The following UFD1 variants were observed in gnomAD, a reference collection of about 807,000 sequenced individuals.
UFD1 encodes ubiquitin recognition factor in ER associated degradation 1, also known as ubiquitin recognition factor in ER-associated degradation protein 1.
In UFD1, 13 loss-of-function variants were observed where a neutral mutation model predicts 45.9. The observed-to-expected ratio is 0.28, with a 90% CI of 0.18 to 0.45. The LOEUF is 0.45. Ranked by LOEUF, UFD1 falls within the 20% of genes least tolerant of loss-of-function variation. The probability of loss-of-function intolerance (pLI) is 1.00; values close to 1 mark genes in which losing one functional copy is unlikely to be tolerated. For missense variants in UFD1, 218 were observed against 389.2 expected, an observed-to-expected ratio of 0.56 and a Z score of 3.70; for synonymous variants, 128 against 139.2, an observed-to-expected ratio of 0.92 and a Z score of 0.56.
intron 6 of UFD1, among the ~76,000 whole-genome samples, chr22:19,461,816 T>G (rs77436683): frequency 4.7e-5 from 7 of 147,788 alleles, no homozygotes; most frequent in African/African-American, 1.2e-4. Flanking sequence ...AGGCTGTTTG[T>G]TTTTTTTTTT....
At chr22:19,466,508 C>T (rs905136793) in intron 5 of UFD1, 1 of 152,242 alleles carries the variant, frequency 6.6e-6, no homozygotes, top group African/African-American at 2.4e-5. Flanking sequence ...ATTGTGCTGA[C>T]AAAACAGCAT....
rs769305275 is a variant in UFD1 at position 19,454,619 on chromosome 22, G to A, written c.849+130C>T. The A allele has an allele frequency of 7.8e-6, 12 of 1,543,938 alleles. No individual in the cohort carries two copies. The African/African-American group carries it at 1.5e-4, about 19-fold the overall frequency. On this transcript the variant is annotated intron_variant, in intron 11 of 11. Transcript: ENST00000263202. ...TTCTTTTGTAAATTGCCCAGTCTCG[G>A]GTACATCTTTACCAGCAGCTTGGAA...
At chr22:19,453,761 C>A in intron 11 of UFD1, 1 of 985,556 alleles carries the variant, frequency 1.0e-6, no homozygotes, top group Non-Finnish European at 1.2e-6. Flanking sequence ...TGTCCCCAAC[C>A]ACCCCAAGTG....
chr22:19,454,382 G>T, intron 11 of UFD1: 4 of 955,578 alleles, frequency 4.2e-6, no homozygotes, highest in South Asian at 3.9e-5. Context: ...TAACTGAGTC[G>T]GTGGGAGGTA....
chr22:19,459,434 G>A (rs549579856), intron 6 of UFD1, among the ~76,000 whole-genome samples: 2 of 152,260 alleles, frequency 1.3e-5, no homozygotes, highest in African/African-American at 4.8e-5. Flanking sequence ...CTAACATGGT[G>A]AAGACCCGTC....
In UFD1 at chr22:19,457,979, T is replaced by A. The variant is rs567941161; in HGVS notation, c.564+92A>T. Reference sequence around the variant, plus strand: ...CTTTACCCAGAGTCCCAGGGGCTGTTTGATGCCCTCCTGACACCCTGGCCT... The same window carrying A: ...CTTTACCCAGAGTCCCAGGGGCTGTATGATGCCCTCCTGACACCCTGGCCT... On this transcript the variant is annotated intron_variant, in intron 7 of 11. Transcript: ENST00000263202. The A allele has an allele frequency of 1.1e-4, 146 of 1,364,892 alleles. 2 individuals are homozygous for A. In the South Asian group the frequency reaches 1.5e-3, roughly 14 times the overall value. 84.5% of individuals were successfully genotyped at this position (1,364,892 alleles called of 1,614,324 possible).
chr22:19,476,377 G>T (rs2089881240), intron 1 of UFD1, among the ~76,000 whole-genome samples: 1 of 152,088 alleles, frequency 6.6e-6, no homozygotes, highest in Non-Finnish European at 1.5e-5. Flanking sequence ...CAGGTCTAGT[G>T]CCTCTCCAGC....
rs546150653 is a variant in UFD1, at chr22:19,454,913, A to C, written c.768-83T>G. The C allele has an allele frequency of 9.7e-4, 1,417 of 1,466,990 alleles. 2 individuals are homozygous for C. The highest frequency in any genetic ancestry group is 1.1e-3 in the Non-Finnish European group (1,253 of 1,097,366). 90.9% of individuals were successfully genotyped at this position (1,466,990 alleles called of 1,614,324 possible). On this transcript the variant is annotated intron_variant, in intron 10 of 11. Coordinates refer to ENST00000263202, the MANE Select transcript of UFD1 (RefSeq NM_005659.7). ...CATTTTTGACAGTCAAGAGGAACGC[A>C]GAAAAGATGCTGCTGCACCCCACCT...
intron 3 of UFD1, 137 bp downstream of exon 3, chr22:19,474,931 G>A (rs548890222): frequency 8.8e-5 from 72 of 818,626 alleles, no homozygotes; most frequent in Non-Finnish European, 1.3e-4. Flanking sequence ...CCAGCCCAGC[G>A]CATGCCCTCC....
chr22:19,454,842 GAC>G lies in UFD1; in HGVS notation c.768-14_768-13del. 2 of 1,607,618 alleles carry G rather than the reference GAC, an allele frequency of 1.2e-6. No homozygotes were observed. The highest frequency in any genetic ancestry group is 1.7e-6 in the Non-Finnish European group (2 of 1,177,600). ...AATTGGGAATTCCTCTGTAAGAAGA[GAC>G]AGAGACAGAGAAATGTTATTTCCAG... is the stretch of plus-strand genomic sequence containing the variant. On this transcript the variant is annotated splice_polypyrimidine_tract_variant and intron_variant, in intron 10 of 11. Coordinates refer to ENST00000263202, the MANE Select transcript of UFD1 (RefSeq NM_005659.7).
At position 19,461,368 on chromosome 22, in the gene UFD1, C is replaced by T. The variant is rs556996715; in HGVS notation, c.496-3229G>A. Among the ~76,000 whole-genome samples, 9 of 152,314 alleles carry T rather than the reference C, an allele frequency of 5.9e-5. No homozygotes were observed. The South Asian group carries it at 1.9e-3, about 32-fold the overall frequency. ...CCCCAGTATCTCCTTTGCCTGGTGA[C>T]ATCAATGCTGCCTCAGTGGTGGACC... is the stretch of plus-strand genomic sequence containing the variant. On this transcript the variant is annotated intron_variant, in intron 6 of 11. Coordinates refer to ENST00000263202, the MANE Select transcript of UFD1 (RefSeq NM_005659.7).
chr22:19,450,739 T>G lies in UFD1; in HGVS notation c.855A>C (p.Glu285Asp). The G allele has an allele frequency of 1.2e-6, 2 of 1,614,136 alleles. No individual in the cohort carries two copies. The highest frequency in any genetic ancestry group is 1.7e-6 in the Non-Finnish European group (2 of 1,179,994). ...RPLVKKVEED[E>D]AGGRFVAFSG... The stretch of plus-strand genomic sequence containing the variant: ...AGAAAGCGACGAATCTGCCTCCAGC[T>G]TCATCCTAGGTTTGAAGAGAAGATA... Residue 285 changes from glutamate (E) to aspartate (D), a missense_variant, in exon 12 of 12, where the codon GAA (glutamate) becomes GAC (aspartate). Coordinates refer to ENST00000263202, the MANE Select transcript of UFD1 (RefSeq NM_005659.7).
chr22:19,475,156 A>C, intron 2 of UFD1, 56 bp from the exon 3 acceptor site: 1 of 1,537,580 alleles, frequency 6.5e-7, no homozygotes, highest in Non-Finnish European at 8.8e-7. Context: ...GGACAGACCA[A>C]AGGCAAGATG....
intron 6 of UFD1, among the ~76,000 whole-genome samples, chr22:19,461,026 G>A (rs1053014800): frequency 2.0e-5 from 3 of 152,192 alleles, no homozygotes; most frequent in Non-Finnish European, 2.9e-5. Context: ...AAAGTGCTGG[G>A]ATGCCAGGTG....
intron 1 of UFD1, 83 bp downstream of exon 1, chr22:19,479,000 T>TCCCGC (rs2089921724): frequency 6.8e-7 from 1 of 1,478,080 alleles, no homozygotes; most frequent in East Asian, 2.5e-5. Context: ...TCCGCCGCCG[T>TCCCGC]CCCGCCCCGC....
intron 2 of UFD1, 99 bp downstream of exon 2, chr22:19,475,371 G>A (rs1239607571): frequency 6.6e-7 from 1 of 1,522,038 alleles, no homozygotes; most frequent in Non-Finnish European, 8.9e-7. Context: ...AGTAACACTA[G>A]CTTCTGACTC....
rs147386584 is a variant in UFD1 at position 19,461,115 on chromosome 22, T to C, written c.496-2976A>G. On this transcript the variant is annotated intron_variant, in intron 6 of 11. Coordinates refer to ENST00000263202, the MANE Select transcript of UFD1 (RefSeq NM_005659.7). ...TCTAAGTACTCATGTAAGCGGAATG[T>C]AGTATTTGTCTGTCTGCATCTGGTT... 1.4e-4 allele frequency among the ~76,000 whole-genome samples: 21 copies of C among 152,328 alleles called. No individual in the cohort carries two copies. In the East Asian group the frequency reaches 3.5e-3, roughly 25 times the overall value.
rs767436592 is a variant in UFD1 at position 19,450,720 on chromosome 22, C to T, written c.874G>A (p.Ala292Thr). 2 of 1,613,966 alleles carry T rather than the reference C, an allele frequency of 1.2e-6. No homozygotes were observed. The highest frequency in any genetic ancestry group is 2.2e-5 in the East Asian group (1 of 44,900). ...EEDEAGGRFV[A>T]FSGEGQSLRK... ...AATGACTGTCCTTCTCCAGAGAAAGCGACGAATCTGCCTCCAGCTTCATCC... is the reference window on the plus strand; with the variant it reads ...AATGACTGTCCTTCTCCAGAGAAAGTGACGAATCTGCCTCCAGCTTCATCC... Residue 292 changes from alanine (A) to threonine (T), a missense_variant, in exon 12 of 12, where the codon GCT (alanine) becomes ACT (threonine). Ala to Thr is a moderately conservative substitution (Grantham distance 58). Around this residue, in one of 2 missense-constraint regions of UFD1, gnomAD observed 69 missense variants for 81.7 expected, o/e 0.84. Transcript: ENST00000263202.
intron 6 of UFD1, among the ~76,000 whole-genome samples, chr22:19,462,699 ACT>A (rs999965788): frequency 7.9e-5 from 12 of 152,072 alleles, no homozygotes; most frequent in African/African-American, 2.9e-4. Flanking sequence ...CTAAAGACTT[ACT>A]CTTTTCCAAC....
Sources: allele counts gnomAD v4.1 joint callset (sites outside exome capture counted in the v4.1 genomes callset), GRCh38; gene constraint gnomAD v4.1.1; regional missense constraint gnomAD v4.1.1; transcripts MANE v1.5; gene names NCBI Gene and HGNC (gene_info 2026-07-23, HGNC 2026-07-21).